The following KCNJ6 variants were observed in gnomAD, a reference collection of about 807,000 sequenced individuals.
KCNJ6 encodes G protein-activated inward rectifier potassium channel 2.
In KCNJ6, 9 loss-of-function variants were observed where a neutral mutation model predicts 34.2. The ratio of observed to expected loss-of-function variants is 0.26; its 90% CI spans 0.16 to 0.46. KCNJ6 has a LOEUF of 0.46. KCNJ6 is among the 20% of genes least tolerant of loss of function. The pLI is 1.00. For synonymous variants in KCNJ6, 196 were observed against 207.1 expected (o/e 0.95, Z 0.46); for missense variants, 236 against 531.3 (o/e 0.44, Z 5.46).
At chr21:37,807,025 T>A (rs1426944035) in intron 2 of KCNJ6, among the ~76,000 whole-genome samples, 2 of 152,252 alleles carry the variant, frequency 1.3e-5, no homozygotes, top group South Asian at 2.1e-4. Context: ...TCATTTATTT[T>A]AAAAATTTTG....
At chr21:37,639,595 A>G (rs934031028) in intron 3 of KCNJ6, among the ~76,000 whole-genome samples, 1 of 152,206 alleles carries the variant, frequency 6.6e-6, no homozygotes, top group African/African-American at 2.4e-5. Flanking sequence ...GTCAGCACAA[A>G]AAGACATATT....
intron 3 of KCNJ6, among the ~76,000 whole-genome samples, chr21:37,686,663 C>G (rs556863747): frequency 6.6e-6 from 1 of 152,064 alleles, no homozygotes; most frequent in South Asian, 2.1e-4. Flanking sequence ...GACGGGGTTT[C>G]AGCATGTTGG....
At chr21:37,806,900 TA>T (rs1388600778) in intron 2 of KCNJ6, among the ~76,000 whole-genome samples, 21 of 152,368 alleles carry the variant, frequency 1.4e-4, no homozygotes, top group African/African-American at 4.8e-4. Context: ...AAGTGACTGA[TA>T]AACCTTCTGT....
intron 1 of KCNJ6, among the ~76,000 whole-genome samples, chr21:37,904,230 C>T (rs888907834): frequency 6.6e-6 from 1 of 152,070 alleles, no homozygotes; most frequent in African/African-American, 2.4e-5. Context: ...TGAAATATAC[C>T]TTCTGATGCT....
chr21:37,859,486 T>TA lies in KCNJ6; in HGVS notation c.-27-18778_-27-18777insT, dbSNP rs1491334011. On this transcript the variant is annotated intron_variant, in intron 1 of 3. Transcript: ENST00000609713. ...AATTTTAACTATGGGCTTATATTAC[T>TA]TTATATATATATATATATATATATA... Among the ~76,000 whole-genome samples, 562 of 68,178 alleles carry TA rather than the reference T, an allele frequency of 8.2e-3. 24 individuals carry two copies. The highest frequency in any genetic ancestry group is 0.024 in the African/African-American group (390 of 16,122). 44.7% of individuals were successfully genotyped at this position (68,178 alleles called of 152,430 possible).
At chr21:37,886,811 G>A (rs118077974) in intron 1 of KCNJ6, among the ~76,000 whole-genome samples, 2 of 152,142 alleles carry the variant, frequency 1.3e-5, no homozygotes, top group South Asian at 2.1e-4. Context: ...GGCTGGAATC[G>A]TGACTTTCAG....
intron 2 of KCNJ6, among the ~76,000 whole-genome samples, chr21:37,817,277 T>G (rs1001379842): frequency 3.9e-5 from 6 of 152,232 alleles, no homozygotes; most frequent in African/African-American, 1.4e-4. Context: ...CTTTCCTAGC[T>G]GGGTGCTCTT....
intron 2 of KCNJ6, among the ~76,000 whole-genome samples, chr21:37,717,559 T>A (rs894536496): frequency 6.6e-6 from 1 of 152,122 alleles, no homozygotes; most frequent in African/African-American, 2.4e-5. Context: ...TGTCCTTGAA[T>A]GGTCAACAAC....
intron 1 of KCNJ6, among the ~76,000 whole-genome samples, chr21:37,872,647 T>C (rs1408674287): frequency 2.6e-5 from 4 of 152,204 alleles, no homozygotes; most frequent in African/African-American, 9.7e-5. Flanking sequence ...CTTTGTGGTT[T>C]ATGTATCAGT....
chr21:37,743,261 T>C (rs2054949966), intron 2 of KCNJ6, among the ~76,000 whole-genome samples: 1 of 152,180 alleles, frequency 6.6e-6, no homozygotes, highest in Admixed American at 6.5e-5. Context: ...CAGGAGACAT[T>C]GCCTGAATAA....
chr21:37,647,918 G>A (rs1015671187), intron 3 of KCNJ6, among the ~76,000 whole-genome samples: 50 of 152,320 alleles, frequency 3.3e-4, no homozygotes, highest in African/African-American at 1.1e-3. Context: ...TTGATATTGC[G>A]TGGAAAATGG....
intron 2 of KCNJ6, among the ~76,000 whole-genome samples, chr21:37,756,615 G>A (rs901392676): frequency 2.6e-4 from 38 of 148,452 alleles, no homozygotes; most frequent in Admixed American, 6.0e-4. Flanking sequence ...CTCACAGTGT[G>A]ATGATTCCAG....
intron 1 of KCNJ6, among the ~76,000 whole-genome samples, chr21:37,901,755 G>A (rs1160719875): frequency 6.6e-6 from 1 of 152,156 alleles, no homozygotes; most frequent in African/African-American, 2.4e-5. Context: ...ATGTAACTGG[G>A]TCATTATTCT....
At chr21:37,632,152 C>T (rs2054336691) in intron 3 of KCNJ6, among the ~76,000 whole-genome samples, 1 of 151,870 alleles carries the variant, frequency 6.6e-6, no homozygotes, top group South Asian at 2.1e-4. Context: ...GAGGAGAGAA[C>T]TGGAGAAGAG....
intron 2 of KCNJ6, among the ~76,000 whole-genome samples, chr21:37,800,910 A>G (rs2055266034): frequency 6.6e-6 from 1 of 152,168 alleles, no homozygotes; most frequent in Non-Finnish European, 1.5e-5. Context: ...ATCGGGTAGG[A>G]TCCTGACTCA....
At chr21:37,777,387 T>C (rs2055147598) in intron 2 of KCNJ6, among the ~76,000 whole-genome samples, 1 of 152,150 alleles carries the variant, frequency 6.6e-6, no homozygotes, top group African/African-American at 2.4e-5. Flanking sequence ...AGCCTCACTT[T>C]CCCTGGACTC....
At chr21:37,897,355 C>T (rs975381977) in intron 1 of KCNJ6, among the ~76,000 whole-genome samples, 6 of 152,222 alleles carry the variant, frequency 3.9e-5, no homozygotes, top group African/African-American at 1.4e-4. Flanking sequence ...CCCCCGATGA[C>T]AGCCAAATCC....
chr21:37,680,173 A>G (rs1238201135), intron 3 of KCNJ6, among the ~76,000 whole-genome samples: 1 of 324 alleles, frequency 3.1e-3, no homozygotes, highest in Admixed American at 0.056. Context: ...CTTGTTTTCA[A>G]CTATATTATT....
chr21:37,721,023 G>A (rs2054823731), intron 2 of KCNJ6, among the ~76,000 whole-genome samples: 1 of 152,142 alleles, frequency 6.6e-6, no homozygotes, highest in African/African-American at 2.4e-5. Context: ...ACATTTTCTA[G>A]TCATACATCT....
Sources: allele counts gnomAD v4.1 joint callset (sites outside exome capture counted in the v4.1 genomes callset), GRCh38; gene constraint gnomAD v4.1.1; transcripts MANE v1.5; gene names NCBI Gene and HGNC (gene_info 2026-07-23, HGNC 2026-07-21).